CAMK1D: variants seen among roughly 807,000 people sequenced by gnomAD.
CAMK1D encodes the protein calcium/calmodulin dependent protein kinase ID.
In CAMK1D, 9 loss-of-function variants were observed where a neutral mutation model predicts 47.7. That is an observed-to-expected ratio of 0.19 (90% CI 0.11 to 0.33). The LOEUF is 0.33. Among genes scored for constraint, CAMK1D ranks in the 10% least tolerant of loss-of-function variants. The pLI, the probability that CAMK1D is intolerant of heterozygous loss-of-function variation, is 1.00. For missense variants in CAMK1D, 291 were observed against 488.7 expected, an observed-to-expected ratio of 0.60 and a Z score of 3.81; for synonymous variants, 184 against 184.9, an observed-to-expected ratio of 0.99 and a Z score of 0.04.
intron 1 of CAMK1D, among the ~76,000 whole-genome samples, chr10:12,451,669 T>C (rs1833087407): frequency 6.6e-6 from 1 of 152,252 alleles, no homozygotes; most frequent in Non-Finnish European, 1.5e-5. Context: ...TTTCAAAGAA[T>C]TTATTTTACA....
At chr10:12,721,176 A>G (rs1186421453) in intron 3 of CAMK1D, among the ~76,000 whole-genome samples, 1 of 152,254 alleles carries the variant, frequency 6.6e-6, no homozygotes, top group Non-Finnish European at 1.5e-5. Flanking sequence ...CGTACAGAAT[A>G]GCGTGGCCGT....
chr10:12,484,786 G>A (rs1834162181), intron 1 of CAMK1D, among the ~76,000 whole-genome samples: 1 of 150,756 alleles, frequency 6.6e-6, no homozygotes, highest in Non-Finnish European at 1.5e-5. Context: ...CTCCAGTGGA[G>A]AGGCCACTCT....
At chr10:12,720,178 C>T (rs1834316586) in intron 3 of CAMK1D, among the ~76,000 whole-genome samples, 1 of 152,306 alleles carries the variant, frequency 6.6e-6, no homozygotes, top group Admixed American at 6.5e-5. Flanking sequence ...GCCACTCAAA[C>T]GCTTTTCCAT....
chr10:12,801,482 TCATC>T (rs1213130775), intron 6 of CAMK1D, among the ~76,000 whole-genome samples: 1 of 149,498 alleles, frequency 6.7e-6, no homozygotes, highest in African/African-American at 2.5e-5. Context: ...ATCTATCCAT[TCATC>T]CATCCATCCA....
At chr10:12,523,264 G>A (rs2132198946) in intron 1 of CAMK1D, among the ~76,000 whole-genome samples, 1 of 151,508 alleles carries the variant, frequency 6.6e-6, no homozygotes, top group East Asian at 1.9e-4. Context: ...TCCCAGACTG[G>A]GTGGCCGGGC....
At chr10:12,419,252 A>G (rs1013083977) in intron 1 of CAMK1D, among the ~76,000 whole-genome samples, 1 of 150,094 alleles carries the variant, frequency 6.7e-6, no homozygotes, top group African/African-American at 2.5e-5. Context: ...GCCCCTATGA[A>G]AAAAAAAATA....
intron 1 of CAMK1D, among the ~76,000 whole-genome samples, chr10:12,435,216 T>C (rs1218088302): frequency 2.7e-5 from 3 of 110,838 alleles, no homozygotes; most frequent in African/African-American, 6.8e-5. Context: ...AGTGAAACTC[T>C]GTCTCAAAAA....
At chr10:12,428,183 C>A (rs1840316549) in intron 1 of CAMK1D, among the ~76,000 whole-genome samples, 1 of 152,022 alleles carries the variant, frequency 6.6e-6, no homozygotes, top group Non-Finnish European at 1.5e-5. Flanking sequence ...TCCCGCCATC[C>A]CCTGACAGGC....
chr10:12,524,444 A>G (rs1835551230), intron 1 of CAMK1D, among the ~76,000 whole-genome samples: 1 of 152,084 alleles, frequency 6.6e-6, no homozygotes, highest in African/African-American at 2.4e-5. Context: ...GCGGTGGCGC[A>G]CGCCTGTAAT....
intron 1 of CAMK1D, among the ~76,000 whole-genome samples, chr10:12,364,167 T>A (rs1837764586): frequency 6.6e-6 from 1 of 150,878 alleles, no homozygotes. Flanking sequence ...AGAAGTTAAA[T>A]GACTCAGGTG....
chr10:12,724,667 G>T (rs1834535719), intron 3 of CAMK1D, among the ~76,000 whole-genome samples: 1 of 152,212 alleles, frequency 6.6e-6, no homozygotes, highest in East Asian at 1.9e-4. Flanking sequence ...ACTTTGAGGA[G>T]CTTGACACCG....
At chr10:12,683,941 A>T (rs1832551417) in intron 3 of CAMK1D, among the ~76,000 whole-genome samples, 2 of 152,186 alleles carry the variant, frequency 1.3e-5, no homozygotes, top group South Asian at 4.1e-4. Flanking sequence ...CACTCATCAT[A>T]GATGCATGAG....
intron 1 of CAMK1D, among the ~76,000 whole-genome samples, chr10:12,515,258 T>A (rs1300124296): frequency 1.3e-5 from 2 of 152,010 alleles, no homozygotes; most frequent in East Asian, 3.9e-4. Context: ...TAGAATCATA[T>A]TACCACCACC....
At chr10:12,599,449 C>T (rs1838239142) in intron 2 of CAMK1D, among the ~76,000 whole-genome samples, 2 of 152,100 alleles carry the variant, frequency 1.3e-5, no homozygotes, top group African/African-American at 2.4e-5. Flanking sequence ...ATCGTGCCCA[C>T]CTGGCATCAG....
intron 3 of CAMK1D, among the ~76,000 whole-genome samples, chr10:12,760,083 A>T (rs929405142): frequency 6.6e-6 from 1 of 152,050 alleles, no homozygotes; most frequent in African/African-American, 2.4e-5. Context: ...TGATTTGGAG[A>T]ACACTAGTTG....
intron 1 of CAMK1D, among the ~76,000 whole-genome samples, chr10:12,488,335 T>G (rs894188529): frequency 6.6e-6 from 1 of 152,028 alleles, no homozygotes; most frequent in African/African-American, 2.4e-5. Context: ...ATCTTTAGAG[T>G]GTCTTCTGCA....
chr10:12,558,081 G>A (rs868606558), intron 2 of CAMK1D, among the ~76,000 whole-genome samples: 1 of 152,240 alleles, frequency 6.6e-6, no homozygotes, highest in Admixed American at 6.5e-5. Context: ...GGCATCAGCG[G>A]CTGGATCTAG....
At chr10:12,380,660 T>G (rs191645718) in intron 1 of CAMK1D, among the ~76,000 whole-genome samples, 5 of 152,060 alleles carry the variant, frequency 3.3e-5, no homozygotes, top group Non-Finnish European at 7.4e-5. Context: ...ATCGAGACCA[T>G]CCTGGCTAAC....
chr10:12,647,394 G>A (rs4587634), intron 2 of CAMK1D, among the ~76,000 whole-genome samples: 1 of 151,900 alleles, frequency 6.6e-6, no homozygotes, highest in African/African-American at 2.4e-5. Flanking sequence ...AGTGACCCAC[G>A]TGCCTCGGCC....
Sources: allele counts gnomAD v4.1 joint callset (sites outside exome capture counted in the v4.1 genomes callset), GRCh38; gene constraint gnomAD v4.1.1; transcripts MANE v1.5; gene names NCBI Gene and HGNC (gene_info 2026-07-23, HGNC 2026-07-21).